ACYP2: variants seen among roughly 807,000 people sequenced by gnomAD.
ACYP2 encodes the protein acylphosphatase-2.
Under a neutral mutation model 11.2 loss-of-function variants are expected in ACYP2, and 12 were observed. The ratio of observed to expected loss-of-function variants is 1.08; its 90% CI spans 0.69 to 1.74. The LOEUF (loss-of-function observed/expected upper bound fraction) is 1.74, where lower values mean the gene tolerates loss of function less well. Among genes scored for constraint, ACYP2 ranks in the 40% most tolerant of loss-of-function variants. The probability of loss-of-function intolerance (pLI) is 0.00; values close to 1 mark genes in which losing one functional copy is unlikely to be tolerated. For missense variants in ACYP2, 134 were observed against 101.9 expected, an observed-to-expected ratio of 1.31 and a Z score of -1.35; for synonymous variants, 43 against 32.2, an observed-to-expected ratio of 1.33 and a Z score of -1.13.
At chr2:54,095,163 A>G (rs1213232472) in intron 4 of ACYP2, among the ~76,000 whole-genome samples, 1 of 152,168 alleles carries the variant, frequency 6.6e-6, no homozygotes, top group African/African-American at 2.4e-5. Flanking sequence ...TTTAACCCTG[A>G]GTGGACACAG....
intron 6 of ACYP2, among the ~76,000 whole-genome samples, chr2:54,160,826 T>TACTA (rs375689179): frequency 3.3e-5 from 5 of 152,188 alleles, no homozygotes; most frequent in Admixed American, 6.5e-5. Context: ...TGGGTTAGAT[T>TACTA]ACTGTGTTGA....
At chr2:54,016,462 C>G (rs774231048) in intron 2 of ACYP2, among the ~76,000 whole-genome samples, 5 of 151,848 alleles carry the variant, frequency 3.3e-5, no homozygotes, top group Non-Finnish European at 7.4e-5. Context: ...AAGCAATGTG[C>G]TCACGTGTCT....
intron 2 of ACYP2, among the ~76,000 whole-genome samples, chr2:54,032,334 T>C (rs1465124738): frequency 2.0e-5 from 3 of 152,222 alleles, no homozygotes; most frequent in Non-Finnish European, 4.4e-5. Context: ...AGTTTCAGCT[T>C]TCTACTTATG....
At chr2:54,191,066 T>C (rs954796270) in intron 6 of ACYP2, among the ~76,000 whole-genome samples, 9 of 152,034 alleles carry the variant, frequency 5.9e-5, no homozygotes, top group African/African-American at 1.9e-4. Flanking sequence ...ACTCCAGTGA[T>C]CCCCTCCTCA....
intron 2 of ACYP2, among the ~76,000 whole-genome samples, chr2:53,985,490 G>A (rs183846072): frequency 5.2e-4 from 79 of 152,174 alleles, no homozygotes; most frequent in Admixed American, 4.8e-3. Context: ...ATGTGTGTAC[G>A]TATATACATA....
intron 6 of ACYP2, among the ~76,000 whole-genome samples, chr2:54,271,155 G>A (rs1688279656): frequency 6.6e-6 from 1 of 152,186 alleles, no homozygotes; most frequent in Admixed American, 6.5e-5. Context: ...AACCAAGGAT[G>A]ATAATAGTCC....
intron 2 of ACYP2, among the ~76,000 whole-genome samples, chr2:54,023,017 C>T (rs955860621): frequency 2.0e-5 from 3 of 152,180 alleles, no homozygotes; most frequent in African/African-American, 7.2e-5. Flanking sequence ...ATAAGACTTA[C>T]ATTAAATAAG....
chr2:54,197,645 T>TC (rs1684547786), intron 6 of ACYP2, among the ~76,000 whole-genome samples: 1 of 151,934 alleles, frequency 6.6e-6, no homozygotes, highest in Non-Finnish European at 1.5e-5. Context: ...CATACAAAGA[T>TC]CTAGGGTAAA....
chr2:54,223,848 A>G (rs1224528226), intron 6 of ACYP2, among the ~76,000 whole-genome samples: 1 of 152,136 alleles, frequency 6.6e-6, no homozygotes, highest in Non-Finnish European at 1.5e-5. Flanking sequence ...GCTTGTGGGA[A>G]ACTCATCTTT....
At chr2:54,186,246 C>T (rs914591424) in intron 6 of ACYP2, among the ~76,000 whole-genome samples, 2 of 151,958 alleles carry the variant, frequency 1.3e-5, no homozygotes, top group Admixed American at 1.3e-4. Context: ...AAATTCACCT[C>T]AACTTTTAGA....
intron 6 of ACYP2, among the ~76,000 whole-genome samples, chr2:54,199,935 G>A (rs972457714): frequency 3.9e-5 from 6 of 152,228 alleles, no homozygotes; most frequent in Admixed American, 1.3e-4. Flanking sequence ...CACCAACTGT[G>A]TGCAGTGAGC....
At chr2:54,179,383 G>T (rs1476033585) in intron 6 of ACYP2, among the ~76,000 whole-genome samples, 1 of 152,044 alleles carries the variant, frequency 6.6e-6, no homozygotes. Flanking sequence ...ACCGGAAAGG[G>T]GTCCTGATCC....
chr2:54,235,572 G>A (rs989583355), intron 6 of ACYP2, among the ~76,000 whole-genome samples: 2 of 152,054 alleles, frequency 1.3e-5, no homozygotes, highest in Non-Finnish European at 2.9e-5. Context: ...GGATGGTCTC[G>A]ATCTCCTAAC....
At chr2:54,034,441 C>T (rs1165019528) in intron 2 of ACYP2, among the ~76,000 whole-genome samples, 1 of 152,122 alleles carries the variant, frequency 6.6e-6, no homozygotes, top group African/African-American at 2.4e-5. Context: ...CGAATACTTA[C>T]CATTGTGTTA....
At chr2:54,233,955 G>A (rs1686357759) in intron 6 of ACYP2, among the ~76,000 whole-genome samples, 1 of 152,170 alleles carries the variant, frequency 6.6e-6, no homozygotes, top group Admixed American at 6.6e-5. Context: ...AGGGTCCTGG[G>A]ATTTAACCAT....
At chr2:54,124,411 G>T (rs1300959761) in intron 4 of ACYP2, among the ~76,000 whole-genome samples, 9 of 152,068 alleles carry the variant, frequency 5.9e-5, no homozygotes, top group African/African-American at 2.2e-4. Flanking sequence ...GGTCAGGCTG[G>T]TCTTGAACTC....
At chr2:54,088,427 G>A (rs975528607) in intron 4 of ACYP2, among the ~76,000 whole-genome samples, 9 of 152,260 alleles carry the variant, frequency 5.9e-5, no homozygotes, top group Admixed American at 2.0e-4. Context: ...AAAGGAGCCC[G>A]TACGTTATTC....
intron 2 of ACYP2, among the ~76,000 whole-genome samples, chr2:53,983,865 G>C (rs1671883008): frequency 6.6e-6 from 1 of 152,106 alleles, no homozygotes; most frequent in Non-Finnish European, 1.5e-5. Flanking sequence ...GTTAGGCCAG[G>C]AAACAATGAG....
intron 2 of ACYP2, among the ~76,000 whole-genome samples, chr2:53,987,209 G>A (rs1234736401): frequency 6.6e-6 from 1 of 152,160 alleles, no homozygotes; most frequent in Non-Finnish European, 1.5e-5. Context: ...ACATGAAAAG[G>A]CCTTCTGGAG....
Sources: allele counts gnomAD v4.1 joint callset (sites outside exome capture counted in the v4.1 genomes callset), GRCh38; gene constraint gnomAD v4.1.1; transcripts MANE v1.5; gene names NCBI Gene and HGNC (gene_info 2026-07-23, HGNC 2026-07-21).